The following MPRIP variants were observed in gnomAD, a reference collection of about 807,000 sequenced individuals.
MPRIP encodes the protein myosin phosphatase Rho interacting protein.
Under a neutral mutation model 234.9 loss-of-function variants are expected in MPRIP, and 59 were observed. The observed-to-expected ratio is 0.25, with a 90% CI of 0.20 to 0.31. The LOEUF (loss-of-function observed/expected upper bound fraction) is 0.31, where lower values mean the gene tolerates loss of function less well. MPRIP is among the 10% of genes least tolerant of loss of function. The pLI is 1.00. For synonymous variants in MPRIP, 1,144 were observed against 1,263.9 expected (o/e 0.91, Z 2.01); for missense variants, 2,436 against 3,071.0 (o/e 0.79, Z 4.89).
chr17:17,083,830 G>A (rs745742651), intron 3 of MPRIP, among the ~76,000 whole-genome samples: 12 of 152,096 alleles, frequency 7.9e-5, no homozygotes, highest in Non-Finnish European at 1.6e-4. Flanking sequence ...TGCAACCTCC[G>A]TCTCCCGGGT....
intron 23 of MPRIP, among the ~76,000 whole-genome samples, chr17:17,181,257 G>C (rs952992999): frequency 6.6e-6 from 1 of 152,154 alleles, no homozygotes; most frequent in African/African-American, 2.4e-5. Context: ...ATGCCAGAGA[G>C]GAGGTGGGGG....
chr17:17,089,159 A>G (rs1175727638), intron 3 of MPRIP, among the ~76,000 whole-genome samples: 1 of 152,236 alleles, frequency 6.6e-6, no homozygotes, highest in African/African-American at 2.4e-5. Context: ...GGCCACTGTA[A>G]CAAGTTGCCA....
chr17:17,076,913 T>C (rs1221412478), intron 2 of MPRIP: 1 of 150,832 alleles, frequency 6.6e-6, no homozygotes, highest in Non-Finnish European at 1.5e-5. Context: ...CCAGTTAAAC[T>C]CTGAGTATTG....
At chr17:17,147,500 C>A in intron 11 of MPRIP, 113 bp downstream of exon 11, 1 of 1,018,856 alleles carries the variant, frequency 9.8e-7, no homozygotes. Flanking sequence ...CTGAGGACAG[C>A]GCCCTTCGGT....
At chr17:17,070,694 T>TA (rs1345809177) in intron 1 of MPRIP, among the ~76,000 whole-genome samples, 1 of 152,280 alleles carries the variant, frequency 6.6e-6, no homozygotes, top group Non-Finnish European at 1.5e-5. Flanking sequence ...ATGGGTGCTT[T>TA]AAAATCTTTA....
rs1442576927 is a variant in MPRIP at position 17,185,535 on chromosome 17, T to C, written c.*641T>C. 1 of 457,084 alleles carries C rather than the reference T, an allele frequency of 2.2e-6. No individual in the cohort carries two copies. Among genetic ancestry groups the C allele is most frequent in the Non-Finnish European group, 4.4e-6 (1 of 227,118 alleles). The allele number at this position is 457,084 out of a possible 1,614,324, so 28.3% of individuals were successfully genotyped here. A position where few individuals can be genotyped will look rare whatever the true frequency, so the allele number is the denominator to read the frequency against. ...GAAAGCAACCATTCCTATTTTTGTT[T>C]GTTTTTTATTAAATCTTGCACAAAA... is the stretch of plus-strand genomic sequence containing the variant. On this transcript the variant is annotated 3_prime_UTR_variant, in exon 24 of 24. Transcript: ENST00000651222.
At chr17:17,126,017 G>T (rs1567732081) in intron 3 of MPRIP, among the ~76,000 whole-genome samples, 1 of 152,204 alleles carries the variant, frequency 6.6e-6, no homozygotes, top group Non-Finnish European at 1.5e-5. Context: ...CTCCATAAAG[G>T]TCCTCTTGCC....
rs375301150 is a variant in MPRIP at position 17,128,474 on chromosome 17, T to A, written c.419+1621T>A. On this transcript the variant is annotated intron_variant, in intron 4 of 23. Transcript: ENST00000651222. ...CTCCATCCCAAGCCCCTCTCCTGGG[T>A]CACTTCTCTGCTCTCTTCTGTTGCA... 5.9e-5 allele frequency among the ~76,000 whole-genome samples: 9 copies of A among 152,162 alleles called. No homozygotes were observed. The East Asian group carries it at 1.5e-3, about 26-fold the overall frequency.
Position 17,136,229 on chromosome 17 carries a change from C to T in MPRIP, c.515C>T (p.Pro172Leu). Residue 172 changes from proline to leucine, a missense_variant, in exon 6 of 24, where the codon CCT becomes CTT. By Grantham distance (98) the Pro-to-Leu change is moderately conservative (BLOSUM62 -3). Transcript: ENST00000651222. ...VEPPTPQEPG[P>L]AKVAVTSSSS... ...TTTCTCCTCCTCCAGGAGCCTGGGC[C>T]TGCCAAGGTGGCTGTTACCAGCAGC... 2 of 1,611,260 alleles carry T rather than the reference C, an allele frequency of 1.2e-6. No homozygotes were observed. The highest frequency in any genetic ancestry group is 1.7e-6 in the Non-Finnish European group (2 of 1,179,596).
chr17:17,175,182 C>T (rs987749569), intron 19 of MPRIP, 111 bp from the exon 20 acceptor site: 49 of 1,489,442 alleles, frequency 3.3e-5, no homozygotes, highest in Middle Eastern at 2.4e-4. Flanking sequence ...ATCCTGCCTA[C>T]GCAGTTCCAC....
At chr17:17,086,327 C>A (rs968100699) in intron 3 of MPRIP, among the ~76,000 whole-genome samples, 1 of 152,184 alleles carries the variant, frequency 6.6e-6, no homozygotes, top group African/African-American at 2.4e-5. Context: ...GCCCTCCACC[C>A]GACTTGACTT....
rs981238485 is a variant in MPRIP, at chr17:17,191,322, C to G, written c.*6428C>G. ...GAAGGCACAGTTCTGGGATCAGGGT[C>G]TAAATGTGCAGTTTCTGAGAACCTT... is the stretch of plus-strand genomic sequence containing the variant. On this transcript the variant is annotated 3_prime_UTR_variant, in exon 24 of 24. Coordinates refer to ENST00000651222, the MANE Select transcript of MPRIP (RefSeq NM_001364716.4). 2.0e-5 allele frequency: 3 copies of G among 152,212 alleles called. No homozygotes were observed. The highest frequency in any genetic ancestry group is 4.4e-5 in the Non-Finnish European group (3 of 68,058). The allele number at this position is 152,212 out of a possible 1,614,324, so 9.4% of individuals were successfully genotyped here. A position where few individuals can be genotyped will look rare whatever the true frequency, so the allele number is the denominator to read the frequency against.
At chr17:17,144,886 CT>C (rs1342754551) in intron 9 of MPRIP, among the ~76,000 whole-genome samples, 1 of 152,218 alleles carries the variant, frequency 6.6e-6, no homozygotes, top group African/African-American at 2.4e-5. Flanking sequence ...GCTAAGCAGG[CT>C]GTCAGAGAGG....
chr17:17,134,332 C>A (rs1182100150), intron 5 of MPRIP, among the ~76,000 whole-genome samples: 1 of 152,162 alleles, frequency 6.6e-6, no homozygotes, highest in African/African-American at 2.4e-5. Flanking sequence ...TGGTTCTGCC[C>A]TGGGTCTTCT....
chr17:17,187,590 G>A lies in MPRIP; in HGVS notation c.*2696G>A, dbSNP rs1220784019. 6.6e-6 allele frequency: 1 copy of A among 152,264 alleles called. No homozygotes were observed. The highest frequency in any genetic ancestry group is 1.5e-5 in the Non-Finnish European group (1 of 68,084). 9.4% of individuals were successfully genotyped at this position (152,264 alleles called of 1,614,324 possible). A position where few individuals can be genotyped will look rare whatever the true frequency, so the allele number is the denominator to read the frequency against. ...TGCCCCAGGAACAGAGACTTGCCCAGGTGGCAACACTGGCACAGATGTTGA... is the reference window on the plus strand; with the variant it reads ...TGCCCCAGGAACAGAGACTTGCCCAAGTGGCAACACTGGCACAGATGTTGA... On this transcript the variant is annotated 3_prime_UTR_variant, in exon 24 of 24. Coordinates refer to ENST00000651222, the MANE Select transcript of MPRIP (RefSeq NM_001364716.4).
intron 2 of MPRIP, 186 bp downstream of exon 2, chr17:17,075,973 T>C: frequency 1.7e-6 from 1 of 580,636 alleles, no homozygotes; most frequent in Non-Finnish European, 3.0e-6. Context: ...TACATAGTTG[T>C]GTGTAGTGCT....
chr17:17,176,507 C>G lies in MPRIP; in HGVS notation c.6952C>G (p.Leu2318Val). The G allele has an allele frequency of 6.2e-7, 1 of 1,613,704 alleles. No individual in the cohort carries two copies. Among genetic ancestry groups the G allele is most frequent in the Middle Eastern group, 1.6e-4 (1 of 6,062 alleles). ...CCTCAAGGATGAGCTGCAGACGGCA[C>G]TGCGGGTAAGGCCACCGCACCACAG... ...SSLKDELQTALRDKKYASDKY... is the reference protein window; with the variant it reads ...SSLKDELQTAVRDKKYASDKY... The change falls in exon 21 of 24, where the codon CTG becomes GTG. Residue 2318 changes from leucine to valine, a missense_variant. Leu to Val is a conservative substitution (Grantham distance 32). Coordinates refer to ENST00000651222, the MANE Select transcript of MPRIP (RefSeq NM_001364716.4).
intron 8 of MPRIP, among the ~76,000 whole-genome samples, chr17:17,143,306 T>G (rs1034904034): frequency 6.6e-6 from 1 of 152,054 alleles, no homozygotes; most frequent in Non-Finnish European, 1.5e-5. Context: ...AGCTGGAGGA[T>G]GGGGTGGGGC....
At chr17:17,125,542 C>T (rs905766951) in intron 3 of MPRIP, among the ~76,000 whole-genome samples, 5 of 152,118 alleles carry the variant, frequency 3.3e-5, no homozygotes, top group African/African-American at 4.8e-5. Context: ...GAGGAAGTAA[C>T]AGGAAGATCA....
Sources: gnomAD v4.1 joint callset for allele counts (sites outside exome capture counted in the v4.1 genomes callset) on GRCh38, gnomAD v4.1.1 for gene constraint, MANE v1.5 for transcripts, NCBI Gene and HGNC (gene_info 2026-07-23, HGNC 2026-07-21) for gene names.